ASXL1: variants seen among roughly 807,000 people sequenced by gnomAD.
The protein encoded by ASXL1 is ASXL transcriptional regulator 1, also known as polycomb group protein ASXL1.
ASXL1 carries 65 observed loss-of-function variants against 89.1 expected under a neutral mutation model. The ratio of observed to expected loss-of-function variants is 0.73; its 90% confidence interval spans 0.60 to 0.90. ASXL1 has a LOEUF of 0.90. Ranked by LOEUF, ASXL1 falls within the 40% of genes least tolerant of loss-of-function variation. The pLI is 0.00. For synonymous variants in ASXL1, 739 were observed against 746.9 expected, an observed-to-expected ratio of 0.99 and a Z score of 0.17; for missense variants, 1,786 against 1,942.9, an observed-to-expected ratio of 0.92 and a Z score of 1.52.
chr20:32,436,636 G>T lies in ASXL1; in HGVS notation c.3924G>T (p.Gly1308=). ...AAGGGAAGAAGCTTTTTGGCTCTGG[G>T]AATGTGGCTGCAACCCTTCAGCGCC... ...TGQGKKLFGS[G]NVAATLQRPR... is the part of the protein sequence containing the mutation. The change falls in exon 13 of 13, where the codon GGG becomes GGT. Residue 1308 remains glycine, a synonymous_variant. Coordinates refer to ENST00000375687, the MANE Select transcript of ASXL1 (RefSeq NM_015338.6). 5 of 1,614,114 alleles carry T rather than the reference G, an allele frequency of 3.1e-6. No individual in the cohort carries two copies. The highest frequency in any genetic ancestry group is 4.2e-6 in the Non-Finnish European group (5 of 1,180,042).
intron 4 of ASXL1, chr20:32,372,229 A>G: frequency 2.2e-6 from 3 of 1,338,842 alleles, no homozygotes; most frequent in Admixed American, 4.9e-5. Context: ...ACACCATTGT[A>G]TGAACCTGCT....
At chr20:32,434,031 C>CT in intron 12 of ASXL1, 114 bp downstream of exon 12, 1 of 1,440,716 alleles carries the variant, frequency 6.9e-7, no homozygotes, top group Non-Finnish European at 9.6e-7. Context: ...GAATGTAGAG[C>CT]TTTTTATGAG....
chr20:32,402,916 T>C (rs996413125), intron 4 of ASXL1, among the ~76,000 whole-genome samples: 4 of 152,206 alleles, frequency 2.6e-5, no homozygotes, highest in African/African-American at 7.2e-5. Flanking sequence ...GCAAAAGGTT[T>C]GAATTCTTAT....
intron 4 of ASXL1, among the ~76,000 whole-genome samples, chr20:32,384,069 A>G (rs1403278359): frequency 6.6e-6 from 1 of 151,950 alleles, no homozygotes; most frequent in Non-Finnish European, 1.5e-5. Flanking sequence ...TTTGTGAGGC[A>G]TTTGGTATTT....
chr20:32,406,388 GA>G (rs111362153), intron 4 of ASXL1, among the ~76,000 whole-genome samples: 415 of 144,232 alleles, frequency 2.9e-3, no homozygotes, highest in Non-Finnish European at 3.9e-3. Flanking sequence ...TCTATATGGG[GA>G]AAAAAAAAAA....
Position 32,436,864 on chromosome 20 carries a change from C to T in ASXL1, c.4152C>T (p.Asn1384=). ...VGGPLKANAE[N]RKATGHSPLE... ...GTCCTCTTAAGGCAAATGCCGAGAA[C>T]AGGAAAGCTACTGGGCATAGTCCCC... The change falls in exon 13 of 13, where the codon AAC becomes AAT. Residue 1384 remains asparagine, a synonymous_variant. Transcript: ENST00000375687. 6.2e-7 allele frequency: 1 copy of T among 1,614,194 alleles called. No homozygotes were observed. The highest frequency in any genetic ancestry group is 8.5e-7 in the Non-Finnish European group (1 of 1,180,034).
chr20:32,437,594 A>C lies in ASXL1; in HGVS notation c.*256A>C. 3 of 447,306 alleles carry C rather than the reference A, an allele frequency of 6.7e-6. No individual in the cohort carries two copies. Among genetic ancestry groups the C allele is most frequent in the Non-Finnish European group, 4.1e-6 (1 of 245,152 alleles). 27.7% of individuals were successfully genotyped at this position (447,306 alleles called of 1,614,324 possible). ...GAGCTCTCCTGCAAGACAGAGCCTG[A>C]TGTGGCACGGAGTGGGGTTGCGGGG... On this transcript the variant is annotated 3_prime_UTR_variant, in exon 13 of 13. Transcript: ENST00000375687.
chr20:32,369,718 CTTTTTTTTTT>C (rs386393629), intron 4 of ASXL1, among the ~76,000 whole-genome samples: 1 of 94,588 alleles, frequency 1.1e-5, no homozygotes, highest in Non-Finnish European at 2.0e-5. Flanking sequence ...GCAGATGTGC[CTTTTTTTTTT>C]TTTTTTTTTT....
rs2123239283 is a variant in ASXL1 at position 32,431,661 on chromosome 20, C to T, written c.961C>T (p.Arg321Trp). ...EFFTHAAQSW[R>W]ERLADGEFTH... ...TTTTACCCATGCGGCTCAGAGCTGG[C>T]GGGAGCGCCTGGCTGATGGTATGTA... is the stretch of plus-strand genomic sequence containing the variant. Residue 321 changes from arginine (R) to tryptophan (W), a missense_variant, in exon 10 of 13, where the codon CGG (arginine) becomes TGG (tryptophan). Coordinates refer to ENST00000375687, the MANE Select transcript of ASXL1 (RefSeq NM_015338.6). 3 of 1,613,248 alleles carry T rather than the reference C, an allele frequency of 1.9e-6. No individual in the cohort carries two copies. The highest frequency in any genetic ancestry group is 2.5e-6 in the Non-Finnish European group (3 of 1,180,028).
At chr20:32,411,797 C>T (rs1382450853) in intron 4 of ASXL1, among the ~76,000 whole-genome samples, 1 of 152,178 alleles carries the variant, frequency 6.6e-6, no homozygotes, top group Non-Finnish European at 1.5e-5. Flanking sequence ...TTTGGCCTCC[C>T]AAAGTGCTGA....
intron 4 of ASXL1, among the ~76,000 whole-genome samples, chr20:32,375,456 A>AG (rs2048361606): frequency 6.6e-6 from 1 of 151,760 alleles, no homozygotes; most frequent in South Asian, 2.1e-4. Context: ...CTCAAAAAAA[A>AG]AAAAGAAAAA....
intron 4 of ASXL1, among the ~76,000 whole-genome samples, chr20:32,400,416 T>C (rs1022277363): frequency 6.6e-6 from 1 of 152,222 alleles, no homozygotes; most frequent in Non-Finnish European, 1.5e-5. Flanking sequence ...GTTTGTAAGA[T>C]TTGTTAGCTG....
chr20:32,370,919 G>T (rs1055023531), intron 4 of ASXL1, among the ~76,000 whole-genome samples: 2 of 149,164 alleles, frequency 1.3e-5, no homozygotes, highest in African/African-American at 5.0e-5. Flanking sequence ...GGGAGGCTAA[G>T]GCGGGAGGAT....
At chr20:32,384,215 T>G (rs1006002454) in intron 4 of ASXL1, among the ~76,000 whole-genome samples, 1 of 142,572 alleles carries the variant, frequency 7.0e-6, no homozygotes, top group African/African-American at 2.8e-5. Flanking sequence ...TTTTTTTTTT[T>G]TTTTTTTTTG....
In ASXL1 at chr20:32,369,269, C is replaced by T. The variant is rs1023269275; in HGVS notation, c.252+146C>T. ...CACTGATGTTTTTCTTTTTTTTAGA[C>T]ATAGTCTCGCTGTGTCACCCAGGCT... On this transcript the variant is annotated intron_variant, in intron 4 of 12. Coordinates refer to ENST00000375687, the MANE Select transcript of ASXL1 (RefSeq NM_015338.6). 18 of 791,522 alleles carry T rather than the reference C, an allele frequency of 2.3e-5. No homozygotes were observed. The Admixed American group carries it at 3.5e-4, about 15-fold the overall frequency. 49.0% of individuals were successfully genotyped at this position (791,522 alleles called of 1,614,324 possible). A position where few individuals can be genotyped will look rare whatever the true frequency, so the allele number is the denominator to read the frequency against.
Position 32,437,239 on chromosome 20 carries a change from C to T in ASXL1, c.4527C>T (p.Ser1509=). ...VESISLQCAC[S]LKAMIMCQGC... ...GCATCTCGCTCCAGTGTGCGTGCAG[C>T]CTGAAAGCCATGATCATGTGCCAAG... Residue 1509 remains serine (S), a synonymous_variant, in exon 13 of 13, where the codon AGC becomes AGT. Coordinates refer to ENST00000375687, the MANE Select transcript of ASXL1 (RefSeq NM_015338.6). The T allele has an allele frequency of 6.2e-7, 1 of 1,614,012 alleles. No individual in the cohort carries two copies.
Position 32,434,521 on chromosome 20 carries a change from C to T in ASXL1, c.1809C>T (p.Ser603=). The part of the protein sequence containing the change: ...ICPRIIPTTE[S]SCRGWTGART... ...CCCGGATCATCCCCACCACGGAGTC[C>T]TCCTGCCGGGGTTGGACTGGCGCCA... The change falls in exon 13 of 13, where the codon TCC becomes TCT. Residue 603 remains serine, a synonymous_variant. Coordinates refer to ENST00000375687, the MANE Select transcript of ASXL1 (RefSeq NM_015338.6). 2 of 1,614,028 alleles carry T rather than the reference C, an allele frequency of 1.2e-6. No homozygotes were observed. Among genetic ancestry groups the T allele is most frequent in the Non-Finnish European group, 1.7e-6 (2 of 1,180,038 alleles).
chr20:32,379,469 A>T (rs2048449285), intron 4 of ASXL1, among the ~76,000 whole-genome samples: 1 of 151,204 alleles, frequency 6.6e-6, no homozygotes, highest in Non-Finnish European at 1.5e-5. Flanking sequence ...TGGCCTCCCA[A>T]AGTGCTGGGA....
At position 32,428,211 on chromosome 20, in the gene ASXL1, G is replaced by A; in HGVS notation, c.336G>A (p.Gly112=). ...PEDTADVESC[G]SNEASTVSGE... is the part of the protein sequence containing the mutation. ...ACACGGCTGATGTGGAGAGCTGTGG[G>A]TCTAATGAAGCCAGCACTGTGAGTG... Residue 112 remains glycine, a synonymous_variant, in exon 5 of 13, where the codon GGG becomes GGA. Transcript: ENST00000375687. The A allele has an allele frequency of 6.2e-7, 1 of 1,614,168 alleles. No individual in the cohort carries two copies. The highest frequency in any genetic ancestry group is 8.5e-7 in the Non-Finnish European group (1 of 1,180,032).
Sources: allele counts gnomAD v4.1 joint callset (sites outside exome capture counted in the v4.1 genomes callset), GRCh38; gene constraint gnomAD v4.1.1; transcripts MANE v1.5; gene names NCBI Gene and HGNC (gene_info 2026-07-23, HGNC 2026-07-21).